Variants in GALNT18 observed in about 807,000 individuals in gnomAD.
GALNT18 encodes the protein polypeptide N-acetylgalactosaminyltransferase 18.
In GALNT18, 44 loss-of-function variants were observed where a neutral mutation model predicts 69.5. The ratio of observed to expected loss-of-function variants is 0.63; its 90% CI spans 0.50 to 0.81. GALNT18 has a LOEUF of 0.81. GALNT18 is among the 40% of genes least tolerant of loss of function. GALNT18 has a pLI of 0.00. For missense variants in GALNT18, 715 were observed against 810.0 expected, an observed-to-expected ratio of 0.88 and a Z score of 1.42; for synonymous variants, 364 against 318.2, an observed-to-expected ratio of 1.14 and a Z score of -1.53.
intron 3 of GALNT18, among the ~76,000 whole-genome samples, chr11:11,401,505 C>T (rs996433459): frequency 5.3e-5 from 8 of 152,258 alleles, no homozygotes; most frequent in African/African-American, 1.2e-4. Context: ...CCTCCTGTAA[C>T]GCATGCAGAT....
rs1310950731 is a variant in GALNT18 at position 11,497,316 on chromosome 11, CT to C, written c.236-48381del. The stretch of plus-strand genomic sequence containing the variant: ...ATCCTACTTATTATTTATGTTTTAC[CT>C]CCTGTCTCCAACACACACACACACA... On this transcript the variant is annotated intron_variant, in intron 1 of 10. Coordinates refer to ENST00000227756, the MANE Select transcript of GALNT18 (RefSeq NM_198516.3). This position sits in a 1 kb window ranked among gnomAD's most constrained non-coding sequence, Gnocchi z 4.2. 9.3e-6 allele frequency among the ~76,000 whole-genome samples: 1 copy of C among 107,144 alleles called. No individual in the cohort carries two copies. Among genetic ancestry groups the C allele is most frequent in the Non-Finnish European group, 2.0e-5 (1 of 50,720 alleles). The allele number at this position is 107,144 out of a possible 152,430, so 70.3% of individuals were successfully genotyped here.
At chr11:11,526,683 C>A (rs1857534974) in intron 1 of GALNT18, among the ~76,000 whole-genome samples, 1 of 152,112 alleles carries the variant, frequency 6.6e-6, no homozygotes, top group South Asian at 2.1e-4. Flanking sequence ...TCATTGTCAC[C>A]CTTACATTGG....
Position 11,586,550 on chromosome 11 carries a change from C to G in GALNT18, c.235+34809G>C, listed in dbSNP as rs982329332. ...TGTGAAGTGAGATCTTCCCTGTTGA[C>G]AGGCAGAAACCACCAGGAACCCTTT... On this transcript the variant is annotated intron_variant, in intron 1 of 10. Transcript: ENST00000227756. The surrounding 1 kb of genome is among the most constrained non-coding windows in gnomAD (Gnocchi z 4.1). Among the ~76,000 whole-genome samples the G allele has an allele frequency of 2.0e-5, 3 of 152,244 alleles. No individual in the cohort carries two copies. The highest frequency in any genetic ancestry group is 7.2e-5 in the African/African-American group (3 of 41,538).
intron 1 of GALNT18, among the ~76,000 whole-genome samples, chr11:11,571,613 C>T (rs1189650793): frequency 6.6e-6 from 1 of 152,196 alleles, no homozygotes; most frequent in Non-Finnish European, 1.5e-5. Flanking sequence ...TTGCAATGGG[C>T]TGAGCTGGCT....
In GALNT18 at chr11:11,383,934, G is replaced by T. The variant is rs555640741; in HGVS notation, c.596-4670C>A. Among the ~76,000 whole-genome samples, 3 of 151,902 alleles carry T rather than the reference G, an allele frequency of 2.0e-5. No homozygotes were observed. The highest frequency in any genetic ancestry group is 4.4e-5 in the Non-Finnish European group (3 of 68,002). On this transcript the variant is annotated intron_variant, in intron 3 of 10. Transcript: ENST00000227756. The surrounding 1 kb of genome is among the most constrained non-coding windows in gnomAD (Gnocchi z 5.2). ...TAATTGTAAGTTTCCTGAGGCCTCC[G>T]CAGCCATGTGGAACTGTGAGTCAAT...
rs1857874574 is a variant in GALNT18 at position 11,540,025 on chromosome 11, CG to C, written c.235+81333del. Among the ~76,000 whole-genome samples the C allele has an allele frequency of 6.6e-6, 1 of 152,192 alleles. No homozygotes were observed. The highest frequency in any genetic ancestry group is 2.4e-5 in the African/African-American group (1 of 41,454). Reference sequence around the variant, plus strand: ...GGAGACGGAGCTGCACAGGGGACCCCGATGCCAGTCCGGCACTTGCAGCCTG... The same window carrying C: ...GGAGACGGAGCTGCACAGGGGACCCCATGCCAGTCCGGCACTTGCAGCCTG... On this transcript the variant is annotated intron_variant, in intron 1 of 10. Coordinates refer to ENST00000227756, the MANE Select transcript of GALNT18 (RefSeq NM_198516.3). This position sits in a 1 kb window ranked among gnomAD's most constrained non-coding sequence, Gnocchi z 4.6.
chr11:11,515,790 T>C (rs1857261515), intron 1 of GALNT18, among the ~76,000 whole-genome samples: 1 of 151,986 alleles, frequency 6.6e-6, no homozygotes, highest in Non-Finnish European at 1.5e-5. Flanking sequence ...GAAGAGCAAA[T>C]GCAGAGCCCC....
rs187820843 is a variant in GALNT18 at position 11,509,591 on chromosome 11, G to C, written c.236-60655C>G. On this transcript the variant is annotated intron_variant, in intron 1 of 10. Transcript: ENST00000227756. ...TTACTGAACAATGGAGAGAAAGCTT[G>C]GAGTCACATCAATTGTTTGTGCTCC... 2.2e-4 allele frequency among the ~76,000 whole-genome samples: 33 copies of C among 152,328 alleles called. No homozygotes were observed. In the East Asian group the frequency reaches 6.4e-3, roughly 29 times the overall value.
intron 3 of GALNT18, among the ~76,000 whole-genome samples, chr11:11,406,996 A>C (rs952481681): frequency 3.9e-5 from 6 of 152,174 alleles, no homozygotes; most frequent in African/African-American, 1.4e-4. Context: ...GACCAGGAGG[A>C]GGCCTTCCTT....
At chr11:11,489,502 T>C (rs987170417) in intron 1 of GALNT18, among the ~76,000 whole-genome samples, 10 of 152,176 alleles carry the variant, frequency 6.6e-5, no homozygotes, top group African/African-American at 2.4e-4. Flanking sequence ...CCAGTCCACA[T>C]GAAGATGGAA....
chr11:11,381,241 CT>C (rs2133695222), intron 3 of GALNT18, among the ~76,000 whole-genome samples: 1 of 152,272 alleles, frequency 6.6e-6, no homozygotes, highest in South Asian at 2.1e-4. Flanking sequence ...CTCATATATC[CT>C]TTTTGAAAAA....
At chr11:11,571,003 G>A (rs1315682262) in intron 1 of GALNT18, among the ~76,000 whole-genome samples, 1 of 152,196 alleles carries the variant, frequency 6.6e-6, no homozygotes, top group Non-Finnish European at 1.5e-5. Flanking sequence ...CCTGGGTTGA[G>A]CACACTGTGT....
chr11:11,534,080 T>A (rs1857718724), intron 1 of GALNT18, among the ~76,000 whole-genome samples: 1 of 152,206 alleles, frequency 6.6e-6, no homozygotes, highest in Non-Finnish European at 1.5e-5. Flanking sequence ...AACTGAGGCT[T>A]ATAGAGGTCG....
At chr11:11,440,861 T>C (rs906791360) in intron 2 of GALNT18, among the ~76,000 whole-genome samples, 1 of 152,196 alleles carries the variant, frequency 6.6e-6, no homozygotes, top group African/African-American at 2.4e-5. Flanking sequence ...AACTTTGCAG[T>C]ACCATCCCTA....
chr11:11,574,828 T>C (rs1287226683), intron 1 of GALNT18, among the ~76,000 whole-genome samples: 1 of 152,244 alleles, frequency 6.6e-6, no homozygotes, highest in Non-Finnish European at 1.5e-5. Flanking sequence ...AGCATTAGTA[T>C]AAATTACTCT....
chr11:11,312,906 GC>G (rs1474408688), intron 9 of GALNT18, among the ~76,000 whole-genome samples: 1 of 152,164 alleles, frequency 6.6e-6, no homozygotes, highest in Non-Finnish European at 1.5e-5. Context: ...TAAAACAAAG[GC>G]CTCTCCCTGG....
intron 3 of GALNT18, among the ~76,000 whole-genome samples, chr11:11,424,694 G>A (rs1855087554): frequency 6.6e-6 from 1 of 152,110 alleles, no homozygotes; most frequent in Non-Finnish European, 1.5e-5. Flanking sequence ...AACACAGCAG[G>A]ATAAGGAGGA....
chr11:11,530,062 T>G (rs1857610252), intron 1 of GALNT18, among the ~76,000 whole-genome samples: 2 of 152,148 alleles, frequency 1.3e-5, no homozygotes, highest in South Asian at 4.2e-4. Flanking sequence ...AGGCCTTAAT[T>G]GCACCCCAGG....
Position 11,341,057 on chromosome 11 carries a change from C to A in GALNT18, c.1093-53G>T. ...GAGCCTGCCTGGCTCTGCCTTTCTA[C>A]ACCAGGCCTCAGGCAGCCACTTGAC... On this transcript the variant is annotated intron_variant, in intron 6 of 10. Coordinates refer to ENST00000227756, the MANE Select transcript of GALNT18 (RefSeq NM_198516.3). This position sits in a 1 kb window ranked among gnomAD's most constrained non-coding sequence, Gnocchi z 6.3. 2 of 1,521,226 alleles carry A rather than the reference C, an allele frequency of 1.3e-6. No homozygotes were observed. Among genetic ancestry groups the A allele is most frequent in the South Asian group, 1.3e-5 (1 of 78,484 alleles). 94.2% of individuals were successfully genotyped at this position (1,521,226 alleles called of 1,614,324 possible). A position where few individuals can be genotyped will look rare whatever the true frequency, so the allele number is the denominator to read the frequency against.
Sources: allele counts gnomAD v4.1 joint callset (sites outside exome capture counted in the v4.1 genomes callset), GRCh38; gene constraint gnomAD v4.1.1; non-coding constraint Gnocchi (gnomAD v3.1); transcripts MANE v1.5; gene names NCBI Gene and HGNC (gene_info 2026-07-23, HGNC 2026-07-21).